The following DLGAP2 variants were observed in gnomAD, a reference collection of about 807,000 sequenced individuals.
DLGAP2 encodes disks large-associated protein 2.
In DLGAP2, 26 loss-of-function variants were observed where a neutral mutation model predicts 100.3. The observed-to-expected ratio is 0.26, with a 90% CI of 0.19 to 0.36. The LOEUF is 0.36. Among genes scored for constraint, DLGAP2 ranks in the 10% least tolerant of loss-of-function variants. The pLI, the probability that DLGAP2 is intolerant of heterozygous loss-of-function variation, is 1.00. For synonymous variants in DLGAP2, 886 were observed against 630.1 expected (o/e 1.41, Z -6.08); for missense variants, 1,858 against 1,453.2 (o/e 1.28, Z -4.53).
intron 2 of DLGAP2, among the ~76,000 whole-genome samples, chr8:995,473 A>G (rs904157863): frequency 3.3e-5 from 5 of 152,220 alleles, no homozygotes; most frequent in African/African-American, 1.2e-4. Context: ...ATGATTTAAT[A>G]GTTTTCGTCT....
chr8:1,317,239 A>G (rs1376299104), intron 3 of DLGAP2, among the ~76,000 whole-genome samples: 1 of 142,610 alleles, frequency 7.0e-6, no homozygotes, highest in East Asian at 2.1e-4. Flanking sequence ...AGCGTTTAAA[A>G]ATAGAGCGTG....
chr8:1,121,700 CCA>C, intron 2 of DLGAP2, among the ~76,000 whole-genome samples: 1 of 84,644 alleles, frequency 1.2e-5, no homozygotes, highest in Non-Finnish European at 3.6e-5. Flanking sequence ...TTTCCTGAAC[CCA>C]TGACCACCCA....
chr8:1,410,829 G>A (rs1796709430), intron 3 of DLGAP2, among the ~76,000 whole-genome samples: 1 of 139,144 alleles, frequency 7.2e-6, no homozygotes, highest in Non-Finnish European at 1.5e-5. Flanking sequence ...TCACTCTGGA[G>A]CCATTTTTTT....
intron 2 of DLGAP2, among the ~76,000 whole-genome samples, chr8:1,010,540 C>T (rs781442910): frequency 5.9e-5 from 9 of 152,216 alleles, no homozygotes; most frequent in Non-Finnish European, 1.3e-4. Context: ...ATACAGAGTT[C>T]GGGCAGTGAA....
chr8:1,050,061 T>C (rs919906018), intron 2 of DLGAP2, among the ~76,000 whole-genome samples: 15 of 152,270 alleles, frequency 9.9e-5, no homozygotes, highest in African/African-American at 2.9e-4. Context: ...CACATGTACA[T>C]ACGTGTACAC....
At chr8:1,429,838 T>C (rs1298305885) in intron 3 of DLGAP2, among the ~76,000 whole-genome samples, 1 of 150,416 alleles carries the variant, frequency 6.6e-6, no homozygotes, top group Non-Finnish European at 1.5e-5. Context: ...AAATAAGCAG[T>C]ATTCATCTGA....
chr8:1,183,376 A>G (rs1390281339), intron 2 of DLGAP2, among the ~76,000 whole-genome samples: 1 of 152,246 alleles, frequency 6.6e-6, no homozygotes, highest in Non-Finnish European at 1.5e-5. Flanking sequence ...TAGATGTGGC[A>G]GTGCTTGGTG....
intron 2 of DLGAP2, among the ~76,000 whole-genome samples, chr8:1,021,994 C>T (rs755905256): frequency 6.6e-6 from 1 of 152,150 alleles, no homozygotes; most frequent in Non-Finnish European, 1.5e-5. Context: ...GTTGCATGTG[C>T]GAAAGCATCA....
chr8:1,490,168 G>A (rs190490789), intron 3 of DLGAP2, among the ~76,000 whole-genome samples: 25 of 152,308 alleles, frequency 1.6e-4, no homozygotes, highest in African/African-American at 5.5e-4. Flanking sequence ...GAGATTACAG[G>A]CATGAGCCAC....
At chr8:1,429,805 C>G (rs1476550192) in intron 3 of DLGAP2, among the ~76,000 whole-genome samples, 3 of 150,942 alleles carry the variant, frequency 2.0e-5, no homozygotes, top group Non-Finnish European at 4.4e-5. Flanking sequence ...GGCAGAAAAG[C>G]AGGGTTTTTC....
chr8:757,957 G>A (rs908659596), intron 1 of DLGAP2, among the ~76,000 whole-genome samples: 3 of 152,200 alleles, frequency 2.0e-5, no homozygotes, highest in Admixed American at 6.5e-5. Context: ...GCAAGTGTGT[G>A]GGGTTGAGTC....
At chr8:1,693,392 A>G (rs1421120994) in intron 13 of DLGAP2, among the ~76,000 whole-genome samples, 1 of 151,662 alleles carries the variant, frequency 6.6e-6, no homozygotes, top group Non-Finnish European at 1.5e-5. Flanking sequence ...ACATACATGT[A>G]TACTTTTCCT....
intron 1 of DLGAP2, among the ~76,000 whole-genome samples, chr8:883,517 T>TAA (rs74275082): frequency 7.5e-5 from 11 of 147,346 alleles, no homozygotes. Context: ...AATTTCTTCT[T>TAA]AAAAAAAAAA....
intron 2 of DLGAP2, among the ~76,000 whole-genome samples, chr8:1,182,032 A>G (rs1293950035): frequency 5.9e-5 from 9 of 152,240 alleles, no homozygotes. Flanking sequence ...GGGAGGTTGC[A>G]GCCTCTGTGC....
intron 3 of DLGAP2, among the ~76,000 whole-genome samples, chr8:1,311,057 A>AG (rs1491148963): frequency 2.6e-5 from 4 of 151,486 alleles, no homozygotes; most frequent in Non-Finnish European, 5.9e-5. Flanking sequence ...GAAAAAAAAA[A>AG]GAGAACACAT....
intron 2 of DLGAP2, among the ~76,000 whole-genome samples, chr8:1,079,288 A>G (rs1306482326): frequency 6.6e-6 from 1 of 152,112 alleles, no homozygotes; most frequent in Non-Finnish European, 1.5e-5. Context: ...ATATATTTTG[A>G]ATATCCACCT....
intron 2 of DLGAP2, among the ~76,000 whole-genome samples, chr8:1,193,901 G>A (rs1797694189): frequency 6.6e-6 from 1 of 152,152 alleles, no homozygotes; most frequent in Non-Finnish European, 1.5e-5. Context: ...CCTGTCCCCA[G>A]CCAGGAGGAG....
chr8:1,527,956 C>T (rs1045143247), intron 4 of DLGAP2, among the ~76,000 whole-genome samples: 5 of 151,652 alleles, frequency 3.3e-5, no homozygotes, highest in African/African-American at 9.7e-5. Context: ...GATTGTATTA[C>T]ATACAATTTT....
Position 1,203,643 on chromosome 8 carries a change from T to A in DLGAP2, c.74-55208T>A, listed in dbSNP as rs904429485. On this transcript the variant is annotated intron_variant, in intron 2 of 14. Transcript: ENST00000637795. ...CTACAGATAAGAAGAGATGTCTTTA[T>A]ATCAAGGAATGGATGACGGTGCGAA... Among the ~76,000 whole-genome samples the A allele has an allele frequency of 3.3e-5, 5 of 152,342 alleles. No individual in the cohort carries two copies. The South Asian group carries it at 1.0e-3, about 32-fold the overall frequency.
Sources: gnomAD v4.1 joint callset for allele counts (sites outside exome capture counted in the v4.1 genomes callset) on GRCh38, gnomAD v4.1.1 for gene constraint, MANE v1.5 for transcripts, NCBI Gene and HGNC (gene_info 2026-07-23, HGNC 2026-07-21) for gene names.